The following XPO4 variants were observed in gnomAD, a reference collection of about 807,000 sequenced individuals.
The protein encoded by XPO4 is exportin 4, also known as exportin-4.
Under a neutral mutation model 143.0 loss-of-function variants are expected in XPO4, and 39 were observed. The observed-to-expected ratio is 0.27, with a 90% CI of 0.21 to 0.36. XPO4 has a LOEUF of 0.36. Ranked by LOEUF, XPO4 falls within the 10% of genes least tolerant of loss-of-function variation. The probability of loss-of-function intolerance (pLI) is 1.00; values close to 1 mark genes in which losing one functional copy is unlikely to be tolerated. For missense variants in XPO4, 907 were observed against 1,348.0 expected (o/e 0.67, Z 5.12); for synonymous variants, 439 against 474.0 (o/e 0.93, Z 0.96).
chr13:20,871,118 T>C (rs2060293355), intron 1 of XPO4, among the ~76,000 whole-genome samples: 3 of 152,270 alleles, frequency 2.0e-5, no homozygotes, highest in African/African-American at 7.2e-5. Flanking sequence ...AATTTTCAAA[T>C]TTTTTTATTC....
intron 6 of XPO4, among the ~76,000 whole-genome samples, chr13:20,842,067 T>C (rs1013917032): frequency 1.3e-5 from 2 of 152,296 alleles, no homozygotes; most frequent in African/African-American, 4.8e-5. Flanking sequence ...CTCCTGAGTG[T>C]TTTAAATGTA....
At chr13:20,868,759 T>A in intron 1 of XPO4, 58 bp from the exon 2 acceptor site, 1 of 1,487,738 alleles carries the variant, frequency 6.7e-7, no homozygotes, top group Non-Finnish European at 9.2e-7. Flanking sequence ...TTAAATAATA[T>A]CAATATTTTT....
Position 20,831,038 on chromosome 13 carries a change from G to A in XPO4, c.728-3859C>T. Among the ~76,000 whole-genome samples the A allele has an allele frequency of 2.0e-5, 3 of 151,786 alleles. No individual in the cohort carries two copies. In the South Asian group the frequency reaches 6.2e-4, roughly 32 times the overall value. On this transcript the variant is annotated intron_variant, in intron 6 of 22. Transcript: ENST00000255305. ...CATTTTTAATCAGGTATTCTCAAATGACTATTTCTATCTGTATGTATAAGA... is the reference window on the plus strand; with the variant it reads ...CATTTTTAATCAGGTATTCTCAAATAACTATTTCTATCTGTATGTATAAGA...
In XPO4 at chr13:20,796,068, C is replaced by A; in HGVS notation, c.2797+8G>T. 1 of 1,606,342 alleles carries A rather than the reference C, an allele frequency of 6.2e-7. No homozygotes were observed. The highest frequency in any genetic ancestry group is 8.5e-7 in the Non-Finnish European group (1 of 1,175,994). On this transcript the variant is annotated splice_region_variant and intron_variant, in intron 18 of 22. Transcript: ENST00000255305. ...ACAAAGTTTAAAAACCATCACGTTA[C>A]ATTTTACCTGTATCACTGAAATCTA... is the stretch of plus-strand genomic sequence containing the variant.
At chr13:20,813,033 G>A (rs2059603415) in intron 9 of XPO4, among the ~76,000 whole-genome samples, 1 of 152,098 alleles carries the variant, frequency 6.6e-6, no homozygotes, top group Admixed American at 6.5e-5. Context: ...AGGATGACTG[G>A]GAGGCCTCAG....
At chr13:20,893,480 C>G (rs2060537681) in intron 1 of XPO4, among the ~76,000 whole-genome samples, 2 of 152,144 alleles carry the variant, frequency 1.3e-5, no homozygotes, top group African/African-American at 4.8e-5. Context: ...TGGCTCATGC[C>G]TGTAATCCCA....
At chr13:20,834,620 A>T (rs2059894270) in intron 6 of XPO4, among the ~76,000 whole-genome samples, 1 of 151,252 alleles carries the variant, frequency 6.6e-6, no homozygotes, top group South Asian at 2.1e-4. Flanking sequence ...TTGCTCTGGA[A>T]ACTATAAAAC....
intron 4 of XPO4, chr13:20,851,664 T>C: frequency 1.4e-6 from 1 of 729,154 alleles, no homozygotes; most frequent in Non-Finnish European, 1.6e-6. Context: ...AGGCCAAGAC[T>C]ACACCATTGC....
chr13:20,839,589 C>T (rs1257804835), intron 6 of XPO4, among the ~76,000 whole-genome samples: 4 of 152,146 alleles, frequency 2.6e-5, no homozygotes, highest in Non-Finnish European at 4.4e-5. Context: ...GTAATGCCAG[C>T]ACTTTGGGAG....
intron 22 of XPO4, among the ~76,000 whole-genome samples, 149 bp downstream of exon 22, chr13:20,786,812 TAAAG>T (rs1273402706): frequency 6.6e-6 from 1 of 152,144 alleles, no homozygotes; most frequent in Non-Finnish European, 1.5e-5. Flanking sequence ...TGAAAGCTAA[TAAAG>T]AAGCTAAGAA....
rs145447796 is a variant in XPO4 at position 20,830,918 on chromosome 13, C to CT, written c.728-3740dup. Among the ~76,000 whole-genome samples, 509 of 152,168 alleles carry CT rather than the reference C, an allele frequency of 3.3e-3. 4 individuals are homozygous for CT. Among genetic ancestry groups the CT allele is most frequent in the African/African-American group, 0.012 (489 of 41,528 alleles). ...TTACTTTTCAATTTGAAAAACAAAACTAGTGAAGAGCATATCACAATGTGG... is the reference window on the plus strand; with the variant it reads ...TTACTTTTCAATTTGAAAAACAAAACTTAGTGAAGAGCATATCACAATGTGG... On this transcript the variant is annotated intron_variant, in intron 6 of 22. Coordinates refer to ENST00000255305, the MANE Select transcript of XPO4 (RefSeq NM_022459.5).
chr13:20,842,202 T>G (rs548858679), intron 6 of XPO4, among the ~76,000 whole-genome samples: 1 of 152,314 alleles, frequency 6.6e-6, no homozygotes, highest in Admixed American at 6.5e-5. Context: ...TATTGGACTT[T>G]ACACAACAAA....
chr13:20,855,781 A>G lies in XPO4; in HGVS notation c.318-16T>C. On this transcript the variant is annotated splice_polypyrimidine_tract_variant and intron_variant, in intron 3 of 22. Coordinates refer to ENST00000255305, the MANE Select transcript of XPO4 (RefSeq NM_022459.5). Reference sequence around the variant, plus strand: ...CTTTTGAAGGCTGTAAAACATAAAAATCATTGTGAAAAATTTACCTAAATC... The same window carrying G: ...CTTTTGAAGGCTGTAAAACATAAAAGTCATTGTGAAAAATTTACCTAAATC... 6.4e-7 allele frequency: 1 copy of G among 1,561,406 alleles called. No individual in the cohort carries two copies. Among genetic ancestry groups the G allele is most frequent in the Non-Finnish European group, 8.6e-7 (1 of 1,160,254 alleles).
In XPO4 at chr13:20,788,495, C is replaced by A; in HGVS notation, c.3038G>T (p.Gly1013Val). ...FKSLMYSLEL[G>V]MTSMSSEVCQ... ...TTCATTTAAAGGATATGATGTCATT[C>A]CTAATTCTAGGGAGTACATCAGACT... The change falls in exon 20 of 23, where the codon GGA (glycine) becomes GTA (valine). Residue 1013 changes from glycine (G) to valine (V), a missense_variant. Physicochemically the swap from Gly to Val is moderately radical, Grantham distance 109. Transcript: ENST00000255305. The A allele has an allele frequency of 6.2e-7, 1 of 1,610,888 alleles. No homozygotes were observed. Among genetic ancestry groups the A allele is most frequent in the Non-Finnish European group, 8.5e-7 (1 of 1,178,974 alleles).
At chr13:20,883,955 G>A (rs1371494041) in intron 1 of XPO4, among the ~76,000 whole-genome samples, 1 of 152,094 alleles carries the variant, frequency 6.6e-6, no homozygotes, top group African/African-American at 2.4e-5. Flanking sequence ...TAGTAGAGAT[G>A]GGGTTTCTCC....
At chr13:20,855,883 G>T in intron 3 of XPO4, 118 bp from the exon 4 acceptor site, 1 of 1,136,270 alleles carries the variant, frequency 8.8e-7, no homozygotes, top group Non-Finnish European at 1.2e-6. Context: ...GAGTAGAAGA[G>T]CCAAAGGGTT....
At chr13:20,900,908 G>T (rs569257138) in intron 1 of XPO4, among the ~76,000 whole-genome samples, 2 of 152,154 alleles carry the variant, frequency 1.3e-5, no homozygotes, top group East Asian at 3.9e-4. Context: ...CACCGCACCC[G>T]GCTGTAATTT....
intron 1 of XPO4, chr13:20,902,185 G>A (rs978490434): frequency 1.0e-6 from 1 of 985,228 alleles, no homozygotes; most frequent in African/African-American, 1.7e-5. Context: ...AGAGGTGGCT[G>A]CATGTCAGGG....
At chr13:20,863,693 A>T (rs946458787) in intron 2 of XPO4, among the ~76,000 whole-genome samples, 1 of 152,224 alleles carries the variant, frequency 6.6e-6, no homozygotes, top group Non-Finnish European at 1.5e-5. Context: ...GAAAAAGCAG[A>T]AATTTTCTGA....
Sources: gnomAD v4.1 joint callset for allele counts (sites outside exome capture counted in the v4.1 genomes callset) on GRCh38, gnomAD v4.1.1 for gene constraint, MANE v1.5 for transcripts, NCBI Gene and HGNC (gene_info 2026-07-23, HGNC 2026-07-21) for gene names.